Variants in DTD1 observed in about 807,000 individuals in gnomAD.
DTD1 encodes D-tyrosyl-tRNA deacylase 1 homolog.
In DTD1, 13 loss-of-function variants were observed where a neutral mutation model predicts 25.6. The observed-to-expected ratio is 0.51, with a 90% CI of 0.33 to 0.81. The LOEUF (loss-of-function observed/expected upper bound fraction) is 0.81. DTD1 is among the 30% of genes least tolerant of loss of function. The pLI is 0.02. For missense variants in DTD1, 193 were observed against 266.4 expected (o/e 0.72, Z 1.92); for synonymous variants, 110 against 103.6 (o/e 1.06, Z -0.37).
intron 4 of DTD1, chr20:18,674,768 C>T (rs886829501): frequency 3.3e-5 from 5 of 152,510 alleles, no homozygotes; most frequent in African/African-American, 9.6e-5. Context: ...CTGGGACCAC[C>T]CTGGGCAGAA....
intron 4 of DTD1, among the ~76,000 whole-genome samples, chr20:18,725,312 T>A (rs2061219292): frequency 6.6e-6 from 1 of 152,234 alleles, no homozygotes; most frequent in African/African-American, 2.4e-5. Flanking sequence ...TGGGCGTGTC[T>A]GATGGAAAGC....
Position 18,593,808 on chromosome 20 carries a change from G to T in DTD1, c.121G>T (p.Glu41Ter), listed in dbSNP as rs766787842. Reference protein sequence around the residue: ...LGISLEDTQKELEHMVRKILN... With the variant: ...LGISLEDTQK ...TATTTCCCTGGAGGATACGCAGAAG[G>T]AACTGGAACACATGTAAGATGCATT... Residue 41 changes from glutamate (E) to a stop codon, truncating the protein, a stop_gained, in exon 2 of 6, where the codon GAA becomes TAA. Transcript: ENST00000377452. LOFTEE classifies it high-confidence loss of function. The T allele has an allele frequency of 6.2e-7, 1 of 1,613,698 alleles. No individual in the cohort carries two copies. The highest frequency in any genetic ancestry group is 1.1e-5 in the South Asian group (1 of 91,012).
intron 4 of DTD1, among the ~76,000 whole-genome samples, chr20:18,638,049 C>T (rs1298948556): frequency 2.0e-5 from 3 of 152,214 alleles, no homozygotes; most frequent in East Asian, 1.9e-4. Context: ...CTCCCCATCA[C>T]GTGGTGTGGC....
intron 3 of DTD1, among the ~76,000 whole-genome samples, chr20:18,619,425 G>C (rs1293840598): frequency 6.6e-6 from 1 of 151,470 alleles, no homozygotes; most frequent in Non-Finnish European, 1.5e-5. Flanking sequence ...TCCTTTTTTT[G>C]TTTTTAATTT....
intron 4 of DTD1, among the ~76,000 whole-genome samples, chr20:18,718,553 C>T (rs1222226363): frequency 6.6e-6 from 1 of 152,124 alleles, no homozygotes; most frequent in Non-Finnish European, 1.5e-5. Context: ...ATATTATTGC[C>T]AGTATATAAT....
intron 1 of DTD1, among the ~76,000 whole-genome samples, chr20:18,589,350 CA>C (rs1436906381): frequency 6.7e-6 from 1 of 149,368 alleles, no homozygotes; most frequent in Non-Finnish European, 1.5e-5. Context: ...GACTCTGTCT[CA>C]AAAAACAACA....
chr20:18,712,675 G>A (rs2061163960), intron 4 of DTD1, among the ~76,000 whole-genome samples: 2 of 152,060 alleles, frequency 1.3e-5, no homozygotes, highest in Admixed American at 1.3e-4. Context: ...GTCTGCAAAG[G>A]TCCCCAGTGG....
intron 4 of DTD1, among the ~76,000 whole-genome samples, chr20:18,731,995 C>A (rs2061240434): frequency 6.6e-6 from 1 of 152,210 alleles, no homozygotes; most frequent in Non-Finnish European, 1.5e-5. Flanking sequence ...ACTTGCTGTC[C>A]TGGCTGCTGA....
At chr20:18,729,813 A>G (rs1165328720) in intron 4 of DTD1, among the ~76,000 whole-genome samples, 1 of 152,192 alleles carries the variant, frequency 6.6e-6, no homozygotes. Flanking sequence ...TCCTCCCTGC[A>G]TAGCCTGCCC....
At chr20:18,751,535 C>G (rs574060081) in intron 5 of DTD1, among the ~76,000 whole-genome samples, 2 of 151,964 alleles carry the variant, frequency 1.3e-5, no homozygotes, top group South Asian at 2.1e-4. Flanking sequence ...CTCTGTCACC[C>G]AGGCTGGAGT....
At chr20:18,660,445 T>C (rs1163570411) in intron 4 of DTD1, among the ~76,000 whole-genome samples, 1 of 152,090 alleles carries the variant, frequency 6.6e-6, no homozygotes, top group South Asian at 2.1e-4. Context: ...GGTCTCGAAC[T>C]CCTGAGCTCA....
At chr20:18,755,225 G>A (rs1006090616) in intron 5 of DTD1, among the ~76,000 whole-genome samples, 4 of 151,978 alleles carry the variant, frequency 2.6e-5, no homozygotes, top group Admixed American at 6.6e-5. Context: ...CAAAATACCC[G>A]AAGAAGAAAA....
chr20:18,704,309 T>C (rs1351665092), intron 4 of DTD1, among the ~76,000 whole-genome samples: 1 of 152,152 alleles, frequency 6.6e-6, no homozygotes, highest in Non-Finnish European at 1.5e-5. Context: ...CAGTAGTTCG[T>C]AGCTTTACAG....
chr20:18,727,131 C>T (rs2061225217), intron 4 of DTD1, among the ~76,000 whole-genome samples: 1 of 152,188 alleles, frequency 6.6e-6, no homozygotes, highest in South Asian at 2.1e-4. Context: ...TGGCCGCGTG[C>T]CTGGAGGCCT....
intron 4 of DTD1, among the ~76,000 whole-genome samples, chr20:18,639,199 G>T (rs78571488): frequency 2.7e-5 from 3 of 112,338 alleles, no homozygotes; most frequent in Non-Finnish European, 5.8e-5. Flanking sequence ...AAAAAAAAAA[G>T]CAAGCAAGTT....
intron 3 of DTD1, chr20:18,610,982 AT>A (rs1261709656): frequency 6.6e-6 from 1 of 152,224 alleles, no homozygotes; most frequent in Non-Finnish European, 1.5e-5. Context: ...AACTATTTTG[AT>A]TACAAGTGCA....
At chr20:18,681,307 GT>G (rs1181207451) in intron 4 of DTD1, among the ~76,000 whole-genome samples, 2 of 152,194 alleles carry the variant, frequency 1.3e-5, no homozygotes, top group Admixed American at 1.3e-4. Flanking sequence ...TTACAATCTG[GT>G]TTGCAGGCAA....
chr20:18,621,559 C>CT (rs61566581), intron 3 of DTD1, among the ~76,000 whole-genome samples: 3 of 151,816 alleles, frequency 2.0e-5, no homozygotes, highest in Admixed American at 6.6e-5. Flanking sequence ...ATCAATCCAT[C>CT]TTTTTTTTGA....
At chr20:18,589,887 G>A (rs2060582165) in intron 1 of DTD1, among the ~76,000 whole-genome samples, 1 of 150,144 alleles carries the variant, frequency 6.7e-6, no homozygotes, top group Admixed American at 6.7e-5. Context: ...ATGGGAAAGT[G>A]TAAATAATTC....
Sources: gnomAD v4.1 joint callset for allele counts (sites outside exome capture counted in the v4.1 genomes callset) on GRCh38, gnomAD v4.1.1 for gene constraint, MANE v1.5 for transcripts, NCBI Gene and HGNC (gene_info 2026-07-23, HGNC 2026-07-21) for gene names.